The following MAML2 variants were observed in gnomAD, a reference collection of about 807,000 sequenced individuals.
MAML2 encodes mastermind like transcriptional coactivator 2.
A neutral mutation model predicts 96.1 loss-of-function variants in MAML2; 22 were observed. The ratio of observed to expected loss-of-function variants is 0.23; its 90% confidence interval spans 0.16 to 0.33. MAML2 has a LOEUF of 0.33. Ranked by LOEUF, MAML2 falls within the 10% of genes least tolerant of loss-of-function variation. The pLI, the probability that MAML2 is intolerant of heterozygous loss-of-function variation, is 1.00. For missense variants in MAML2, 1,367 were observed against 1,392.4 expected, an observed-to-expected ratio of 0.98 and a Z score of 0.29; for synonymous variants, 561 against 521.3, an observed-to-expected ratio of 1.08 and a Z score of -1.04.
chr11:95,979,992 T>C (rs748906682), intron 4 of MAML2, 29 bp from the exon 5 acceptor site: 8 of 1,565,696 alleles, frequency 5.1e-6, no homozygotes, highest in Non-Finnish European at 6.1e-6. Flanking sequence ...TTTTATTAGT[T>C]CGTAGCAGCA....
chr11:96,262,529 G>A (rs574350013), intron 1 of MAML2, among the ~76,000 whole-genome samples: 95 of 151,182 alleles, frequency 6.3e-4, no homozygotes, highest in Middle Eastern at 3.4e-3. Context: ...GTGCAGTGGC[G>A]CAATCTCAGC....
intron 3 of MAML2, among the ~76,000 whole-genome samples, chr11:95,988,113 A>ATGTGTGTGTGTGTGTG (rs141507951): frequency 1.4e-5 from 2 of 145,380 alleles, no homozygotes; most frequent in African/African-American, 5.0e-5. Flanking sequence ...TGAAGACAGG[A>ATGTGTGTGTGTGTGTG]TGTGTGTGTG....
chr11:96,199,890 A>G (rs181415029), intron 1 of MAML2, among the ~76,000 whole-genome samples: 46 of 152,326 alleles, frequency 3.0e-4, no homozygotes, highest in Non-Finnish European at 6.0e-4. Flanking sequence ...AAGTCCCTCT[A>G]TATTTTATCA....
At chr11:96,126,516 C>G (rs758350376) in intron 1 of MAML2, among the ~76,000 whole-genome samples, 1 of 152,160 alleles carries the variant, frequency 6.6e-6, no homozygotes, top group Non-Finnish European at 1.5e-5. Flanking sequence ...GAGCCCAGAT[C>G]ACACCACTGC....
intron 3 of MAML2, among the ~76,000 whole-genome samples, chr11:95,988,656 C>T (rs1009091598): frequency 1.3e-5 from 2 of 150,756 alleles, no homozygotes; most frequent in African/African-American, 4.9e-5. Context: ...TCACAAATGA[C>T]TTAGATTAAT....
chr11:96,166,173 T>TCACACACA (rs1209384302), intron 1 of MAML2, among the ~76,000 whole-genome samples: 27 of 110,602 alleles, frequency 2.4e-4, no homozygotes, highest in African/African-American at 8.2e-4. Flanking sequence ...TCTCTCTCTC[T>TCACACACA]CTCTCACACA....
chr11:96,126,135 G>T (rs1040001964), intron 1 of MAML2, among the ~76,000 whole-genome samples: 48 of 152,186 alleles, frequency 3.2e-4, no homozygotes, highest in African/African-American at 1.1e-3. Context: ...GGATGTGCAA[G>T]GTGTTATGCT....
intron 1 of MAML2, among the ~76,000 whole-genome samples, chr11:96,238,007 C>T (rs1184494864): frequency 6.6e-6 from 1 of 152,218 alleles, no homozygotes; most frequent in Admixed American, 6.5e-5. Flanking sequence ...AAGTCTAATG[C>T]TTTCCGTGCC....
intron 1 of MAML2, among the ~76,000 whole-genome samples, chr11:96,119,965 T>TTTG (rs1454269409): frequency 6.7e-6 from 1 of 149,614 alleles, no homozygotes; most frequent in Non-Finnish European, 1.5e-5. Context: ...CAGATTTTTT[T>TTTG]TTTTTTTTTT....
At chr11:96,224,974 T>C (rs557647393) in intron 1 of MAML2, among the ~76,000 whole-genome samples, 2 of 152,352 alleles carry the variant, frequency 1.3e-5, no homozygotes, top group African/African-American at 4.8e-5. Context: ...GCACTTCTTA[T>C]TGACAAATTG....
At chr11:96,038,054 G>A (rs374540252) in intron 2 of MAML2, among the ~76,000 whole-genome samples, 14 of 152,058 alleles carry the variant, frequency 9.2e-5, no homozygotes, top group Middle Eastern at 3.4e-3. Flanking sequence ...TATTTTACTC[G>A]TAAAATATGA....
intron 1 of MAML2, 85 bp downstream of exon 1, chr11:96,341,298 C>T: frequency 7.1e-7 from 1 of 1,410,758 alleles, no homozygotes; most frequent in Non-Finnish European, 9.4e-7. Flanking sequence ...CATTGCCATC[C>T]ACTCTACCTT....
intron 3 of MAML2, among the ~76,000 whole-genome samples, chr11:95,988,880 A>G (rs545107545): frequency 6.6e-6 from 1 of 152,284 alleles, no homozygotes; most frequent in South Asian, 2.1e-4. Flanking sequence ...TGATAACCCA[A>G]TCTGTTGGAC....
intron 1 of MAML2, among the ~76,000 whole-genome samples, chr11:96,319,135 C>A (rs1863669823): frequency 6.6e-6 from 1 of 152,164 alleles, no homozygotes; most frequent in African/African-American, 2.4e-5. Context: ...ACTCATGCAG[C>A]CTATACGGAG....
At chr11:95,996,143 A>C (rs753083790) in intron 2 of MAML2, among the ~76,000 whole-genome samples, 5 of 152,184 alleles carry the variant, frequency 3.3e-5, no homozygotes, top group Non-Finnish European at 7.3e-5. Context: ...CAATCCATTA[A>C]TGCATTTGAC....
chr11:96,094,137 C>T (rs1268784212), intron 1 of MAML2, among the ~76,000 whole-genome samples: 1 of 152,208 alleles, frequency 6.6e-6, no homozygotes, highest in Middle Eastern at 3.2e-3. Context: ...GCCTATGTAG[C>T]AACCTTATGT....
chr11:96,277,617 T>C (rs55776364), intron 1 of MAML2, among the ~76,000 whole-genome samples: 1 of 151,162 alleles, frequency 6.6e-6, no homozygotes, highest in Non-Finnish European at 1.5e-5. Flanking sequence ...CAGGGCGTGG[T>C]AGCAAGCGCC....
intron 1 of MAML2, among the ~76,000 whole-genome samples, chr11:96,223,572 A>AT (rs77850751): frequency 0.14 from 20,811 of 150,626 alleles, 1,692 homozygotes; most frequent in Non-Finnish European, 0.19. Flanking sequence ...TTTGATTGTC[A>AT]TTTTTTTTAA....
In MAML2 at chr11:96,341,577, G is replaced by C. The variant is rs565979295; in HGVS notation, c.319C>G (p.Pro107Ala). The C allele has an allele frequency of 3.9e-6, 6 of 1,551,248 alleles. No individual in the cohort carries two copies. The highest frequency in any genetic ancestry group is 5.2e-6 in the Non-Finnish European group (6 of 1,146,936). Residue 107 changes from proline to alanine, a missense_variant, in exon 1 of 5, where the codon CCG becomes GCG. Physicochemically the swap from Pro to Ala is conservative, Grantham distance 27. Coordinates refer to ENST00000524717, the MANE Select transcript of MAML2 (RefSeq NM_032427.4). ...ATAATTTAPPPPPAAPPAASQ... is the reference protein window; with the variant it reads ...ATAATTTAPPAPPAAPPAASQ... The stretch of plus-strand genomic sequence containing the variant: ...GCCGCAGGAGGGGCAGCAGGGGGCG[G>C]TGGAGGGGCTGTAGTGGTGGCAGCA...
Sources: allele counts gnomAD v4.1 joint callset (sites outside exome capture counted in the v4.1 genomes callset), GRCh38; gene constraint gnomAD v4.1.1; transcripts MANE v1.5; gene names NCBI Gene and HGNC (gene_info 2026-07-23, HGNC 2026-07-21).